PRIM2: variants seen among roughly 807,000 people sequenced by gnomAD.
PRIM2 encodes DNA primase subunit 2, also known as DNA primase large subunit.
In PRIM2, 39 loss-of-function variants were observed where a neutral mutation model predicts 67.3. That is an observed-to-expected ratio of 0.58 (90% confidence interval 0.45 to 0.76). The LOEUF is 0.76. Ranked by LOEUF, PRIM2 falls within the 30% of genes least tolerant of loss-of-function variation. PRIM2 has a pLI of 0.00. For missense variants in PRIM2, 398 were observed against 598.7 expected (o/e 0.66, Z 3.50); for synonymous variants, 143 against 198.7 (o/e 0.72, Z 2.36).
chr6:57,435,431 T>C (rs888588401), intron 7 of PRIM2, among the ~76,000 whole-genome samples: 1 of 152,180 alleles, frequency 6.6e-6, no homozygotes, highest in Non-Finnish European at 1.5e-5. Context: ...CCTTCCCCTT[T>C]TAACCCCCAG....
chr6:57,234,212 T>TA, the PRIM2 span, among the ~76,000 whole-genome samples: 3 of 152,100 alleles, frequency 2.0e-5, no homozygotes, highest in Non-Finnish European at 2.9e-5. Context: ...GATGATACAG[T>TA]AAAAAAAATT....
the PRIM2 span, among the ~76,000 whole-genome samples, chr6:57,278,676 T>G: frequency 6.6e-6 from 1 of 152,184 alleles, no homozygotes; most frequent in Admixed American, 6.5e-5. Context: ...TTTTTTTTCT[T>G]CTTCATGTTT....
the PRIM2 span, among the ~76,000 whole-genome samples, chr6:57,247,192 C>T: frequency 6.6e-6 from 1 of 152,144 alleles, no homozygotes; most frequent in Non-Finnish European, 1.5e-5. Flanking sequence ...CCTAGAGTAT[C>T]CATCGTCTTT....
At chr6:57,498,618 T>C (rs1473889995) in intron 7 of PRIM2, among the ~76,000 whole-genome samples, 1 of 152,184 alleles carries the variant, frequency 6.6e-6, no homozygotes, top group Non-Finnish European at 1.5e-5. Flanking sequence ...TCTTGAGTTT[T>C]TGTAAGGAAG....
chr6:57,313,142 A>G (rs1345484649), upstream of PRIM2, among the ~76,000 whole-genome samples: 1 of 152,218 alleles, frequency 6.6e-6, no homozygotes, highest in African/African-American at 2.4e-5. Flanking sequence ...AAAGATAGAC[A>G]TGACTAAATC....
intron 7 of PRIM2, among the ~76,000 whole-genome samples, chr6:57,388,467 T>G (rs537844347): frequency 1.3e-5 from 2 of 152,322 alleles, no homozygotes; most frequent in South Asian, 2.1e-4. Flanking sequence ...ATGATGATGA[T>G]GATGAGAGCT....
rs116913534 is a variant in PRIM2, at chr6:57,433,700, A to C, written c.693+51532A>C. 1.0e-3 allele frequency among the ~76,000 whole-genome samples: 158 copies of C among 152,286 alleles called. No homozygotes were observed. The East Asian group carries it at 0.029, about 28-fold the overall frequency. ...TGTCTTTACAGAAGTTAGTGGTTAA[A>C]TTATTCAAGACACTCAAAACAGACA... On this transcript the variant is annotated intron_variant, in intron 7 of 13. Coordinates refer to ENST00000615550, the MANE Select transcript of PRIM2 (RefSeq NM_000947.5).
the PRIM2 span, among the ~76,000 whole-genome samples, chr6:57,239,908 A>G: frequency 3.3e-5 from 5 of 152,130 alleles, no homozygotes; most frequent in Non-Finnish European, 5.9e-5. Context: ...AGCACCTACA[A>G]TGTTATGCAC....
At chr6:57,552,703 C>A (rs1775427670) in intron 10 of PRIM2, among the ~76,000 whole-genome samples, 1 of 152,090 alleles carries the variant, frequency 6.6e-6, no homozygotes, top group African/African-American at 2.4e-5. Context: ...TTTCCTTTGC[C>A]TTGGTTGAGA....
intron 11 of PRIM2, among the ~76,000 whole-genome samples, chr6:57,605,601 TG>T (rs1252151916): frequency 1.3e-5 from 2 of 152,138 alleles, no homozygotes; most frequent in African/African-American, 2.4e-5. Flanking sequence ...TCTGTATGAC[TG>T]AAAAAAAAGA....
rs1774538903 is a variant in PRIM2 at position 57,518,643 on chromosome 6, A to G, written c.761+11189A>G. On this transcript the variant is annotated intron_variant, in intron 8 of 13. Coordinates refer to ENST00000615550, the MANE Select transcript of PRIM2 (RefSeq NM_000947.5). ...AATTCCGTTTTCCAAGCTGCTAAAT[A>G]TTGAGACTGAATGAGATGGTAATTT... is the stretch of plus-strand genomic sequence containing the variant. Among the ~76,000 whole-genome samples the G allele has an allele frequency of 6.6e-5, 10 of 152,312 alleles. No individual in the cohort carries two copies. In the South Asian group the frequency reaches 2.1e-3, roughly 32 times the overall value.
chr6:57,477,475 G>T lies in PRIM2; in HGVS notation c.694-29912G>T, dbSNP rs1773504065. 2.0e-5 allele frequency among the ~76,000 whole-genome samples: 3 copies of T among 152,304 alleles called. 1 individual carries two copies. In the South Asian group the frequency reaches 6.2e-4, roughly 32 times the overall value. On this transcript the variant is annotated intron_variant, in intron 7 of 13. Transcript: ENST00000615550. ...TTATTCAGCAAAATTAAAATCCATA[G>T]AAGATAGCCTTTCTACTACTTTTCA...
rs1581818428 is a variant in PRIM2, at chr6:57,351,555, G to C, written c.459+25510G>C. The stretch of plus-strand genomic sequence containing the variant: ...CATTATGGAAATAGCCTAAAGACTT[G>C]ATGGCTAATGGAATGTGCAGTGAAG... On this transcript the variant is annotated intron_variant, in intron 5 of 13. Coordinates refer to ENST00000615550, the MANE Select transcript of PRIM2 (RefSeq NM_000947.5). Among the ~76,000 whole-genome samples the C allele has an allele frequency of 2.0e-5, 3 of 152,248 alleles. 1 individual carries two copies. The highest frequency in any genetic ancestry group is 2.0e-4 in the Admixed American group (3 of 15,292).
chr6:57,634,907 CTGTT>C (rs1450903862), intron 13 of PRIM2, among the ~76,000 whole-genome samples: 2 of 152,102 alleles, frequency 1.3e-5, no homozygotes, highest in East Asian at 1.9e-4. Flanking sequence ...AATAAAAAGG[CTGTT>C]TGTATTCACT....
At chr6:57,472,967 T>C (rs1372584140) in intron 7 of PRIM2, among the ~76,000 whole-genome samples, 2 of 152,206 alleles carry the variant, frequency 1.3e-5, no homozygotes, top group Non-Finnish European at 2.9e-5. Flanking sequence ...GTTGAATTAG[T>C]GTGTGTTGCA....
chr6:57,588,521 G>A, intron 10 of PRIM2, among the ~76,000 whole-genome samples: 1 of 151,390 alleles, frequency 6.6e-6, no homozygotes, highest in East Asian at 2.0e-4. Context: ...TGGTGAGGAG[G>A]GGGACTTGGG....
At chr6:57,390,093 T>A (rs1279365394) in intron 7 of PRIM2, 1 of 154,794 alleles carries the variant, frequency 6.5e-6, no homozygotes, top group Non-Finnish European at 1.5e-5. Context: ...GCTGCTGATC[T>A]GTGGGAAACA....
chr6:57,605,848 C>T (rs1268762001), intron 11 of PRIM2, among the ~76,000 whole-genome samples: 2 of 152,034 alleles, frequency 1.3e-5, no homozygotes, highest in Non-Finnish European at 2.9e-5. Flanking sequence ...CATCTCATTT[C>T]CATCCATGAT....
At chr6:57,256,043 A>ACG in the PRIM2 span, among the ~76,000 whole-genome samples, 57 of 150,544 alleles carry the variant, frequency 3.8e-4, no homozygotes, top group East Asian at 1.4e-3. Flanking sequence ...ACACACACAC[A>ACG]CACACATTAG....
Sources: gnomAD v4.1 joint callset for allele counts (sites outside exome capture counted in the v4.1 genomes callset) on GRCh38, gnomAD v4.1.1 for gene constraint, MANE v1.5 for transcripts, NCBI Gene and HGNC (gene_info 2026-07-23, HGNC 2026-07-21) for gene names.